The following RNF24 variants were observed in gnomAD, a reference collection of about 807,000 sequenced individuals.
The protein encoded by RNF24 is ring finger protein 24.
RNF24 carries 14 observed loss-of-function variants against 20.0 expected under a neutral mutation model. That is an observed-to-expected ratio of 0.70 (90% CI 0.46 to 1.10). The LOEUF is 1.10. RNF24 is among the 50% of genes least tolerant of loss of function. RNF24 has a pLI of 0.00. For synonymous variants in RNF24, 45 were observed against 61.1 expected, an observed-to-expected ratio of 0.74 and a Z score of 1.23; for missense variants, 124 against 177.6, an observed-to-expected ratio of 0.70 and a Z score of 1.71.
At chr20:3,980,060 T>TA (rs896544924) in intron 1 of RNF24, among the ~76,000 whole-genome samples, 5 of 152,122 alleles carry the variant, frequency 3.3e-5, no homozygotes, top group African/African-American at 9.7e-5. Context: ...ATGAGACAGA[T>TA]AAAAAAATTC....
At chr20:3,993,533 C>A (rs1980625825) in intron 1 of RNF24, among the ~76,000 whole-genome samples, 1 of 152,142 alleles carries the variant, frequency 6.6e-6, no homozygotes. Flanking sequence ...GTGATCTGCC[C>A]ACTTCAGCCT....
At chr20:4,014,197 T>C (rs2122182969) in intron 1 of RNF24, among the ~76,000 whole-genome samples, 1 of 152,160 alleles carries the variant, frequency 6.6e-6, no homozygotes, top group African/African-American at 2.4e-5. Flanking sequence ...ACAGGAAAAT[T>C]CACATCAAAG....
intron 1 of RNF24, among the ~76,000 whole-genome samples, chr20:3,990,224 T>G (rs973383685): frequency 6.6e-5 from 10 of 152,166 alleles, no homozygotes; most frequent in Non-Finnish European, 1.2e-4. Context: ...GGGAAGGCCT[T>G]TCTAAGTAAA....
At chr20:3,972,492 A>C (rs1978435010) in intron 1 of RNF24, among the ~76,000 whole-genome samples, 1 of 152,242 alleles carries the variant, frequency 6.6e-6, no homozygotes. Context: ...TTATAACAGA[A>C]GGGTAGCAAG....
At chr20:3,975,308 A>G (rs998761020) in intron 1 of RNF24, among the ~76,000 whole-genome samples, 2 of 152,228 alleles carry the variant, frequency 1.3e-5, no homozygotes, top group Non-Finnish European at 2.9e-5. Flanking sequence ...TACAGTTACA[A>G]AAAACCTAAG....
chr20:3,972,973 C>A (rs906595526), intron 1 of RNF24, among the ~76,000 whole-genome samples: 2 of 151,550 alleles, frequency 1.3e-5, no homozygotes, highest in South Asian at 4.2e-4. Context: ...GAGGCCGAGG[C>A]GGGTGGATCA....
chr20:3,932,755 T>C lies in RNF24; in HGVS notation c.*1308A>G. Reference sequence around the variant, plus strand: ...GATGGAGGGAGGCGGAGAGCAGGGCTGTGGAAAAGAATTTTCCATCTGACC... The same window carrying C: ...GATGGAGGGAGGCGGAGAGCAGGGCCGTGGAAAAGAATTTTCCATCTGACC... On this transcript the variant is annotated 3_prime_UTR_variant, in exon 6 of 6. Coordinates refer to ENST00000358395, the MANE Select transcript of RNF24 (RefSeq NM_001134337.3). 2.5e-6 allele frequency: 1 copy of C among 397,058 alleles called. No homozygotes were observed. Among genetic ancestry groups the C allele is most frequent in the Non-Finnish European group, 4.4e-6 (1 of 225,604 alleles). 24.6% of individuals were successfully genotyped at this position (397,058 alleles called of 1,614,324 possible).
rs2090826251 is a variant in RNF24 at position 3,931,756 on chromosome 20, C to T, written c.*2307G>A. The stretch of plus-strand genomic sequence containing the variant: ...GCTGAGAAGGTTGTTAGTGGTCCCT[C>T]ATCTGGGCAAAGCAGACCCAAGGTG... On this transcript the variant is annotated 3_prime_UTR_variant, in exon 6 of 6. Coordinates refer to ENST00000358395, the MANE Select transcript of RNF24 (RefSeq NM_001134337.3). The T allele has an allele frequency of 6.6e-6, 1 of 152,242 alleles. No homozygotes were observed. Among genetic ancestry groups the T allele is most frequent in the African/African-American group, 2.4e-5 (1 of 41,454 alleles). The allele number at this position is 152,242 out of a possible 1,614,324, so 9.4% of individuals were successfully genotyped here.
chr20:3,948,729 C>A (rs1423182763), intron 2 of RNF24, among the ~76,000 whole-genome samples: 1 of 152,144 alleles, frequency 6.6e-6, no homozygotes, highest in African/African-American at 2.4e-5. Context: ...AATATCCATG[C>A]CCCAGAGGTA....
At chr20:3,937,868 A>G (rs1321999552) in intron 4 of RNF24, among the ~76,000 whole-genome samples, 1 of 152,186 alleles carries the variant, frequency 6.6e-6, no homozygotes, top group Non-Finnish European at 1.5e-5. Context: ...ATTGATGGCC[A>G]CCTGGGTTGT....
chr20:3,981,126 C>G (rs6107384), intron 1 of RNF24, among the ~76,000 whole-genome samples: 1,546 of 151,942 alleles, frequency 0.01, 17 homozygotes, highest in African/African-American at 0.035. Context: ...TGTGCTTGGG[C>G]TGTTATTTTT....
At chr20:3,938,429 A>G (rs1192716690) in intron 4 of RNF24, among the ~76,000 whole-genome samples, 3 of 152,240 alleles carry the variant, frequency 2.0e-5, no homozygotes, top group African/African-American at 4.8e-5. Context: ...CACAAAAGAC[A>G]CACGCAGCCT....
chr20:4,008,488 A>G (rs1372715861), intron 1 of RNF24, among the ~76,000 whole-genome samples: 5 of 77,018 alleles, frequency 6.5e-5, no homozygotes, highest in East Asian at 5.3e-4. Flanking sequence ...ATATAATATA[A>G]TATAATATAT....
chr20:3,934,043 A>G lies in RNF24; in HGVS notation c.*20T>C. ...CCACACAGACGTCGTGTCCAGCAAC[A>G]GTCTGATCCTTGCGGTAAGCTATAC... On this transcript the variant is annotated 3_prime_UTR_variant, in exon 6 of 6. Transcript: ENST00000358395. This position sits in a 1 kb window ranked among gnomAD's most constrained non-coding sequence, Gnocchi z 4.0. 4.2e-6 allele frequency: 6 copies of G among 1,442,108 alleles called. No homozygotes were observed. The highest frequency in any genetic ancestry group is 1.6e-5 in the South Asian group (1 of 63,812). The allele number at this position is 1,442,108 out of a possible 1,614,324, so 89.3% of individuals were successfully genotyped here. A position where few individuals can be genotyped will look rare whatever the true frequency, so the allele number is the denominator to read the frequency against.
intron 2 of RNF24, among the ~76,000 whole-genome samples, chr20:3,960,000 A>G (rs74917992): frequency 1.5e-3 from 223 of 152,338 alleles, no homozygotes; most frequent in Admixed American, 2.5e-3. Flanking sequence ...GCAAGGTAAG[A>G]TGCCCTTCTT....
At chr20:3,964,800 G>C (rs894001120) in intron 1 of RNF24, among the ~76,000 whole-genome samples, 4 of 152,108 alleles carry the variant, frequency 2.6e-5, no homozygotes. Flanking sequence ...TTATAGGCAT[G>C]AGCCACTGTG....
intron 1 of RNF24, among the ~76,000 whole-genome samples, chr20:3,974,143 A>T (rs940399413): frequency 1.3e-5 from 2 of 152,138 alleles, no homozygotes; most frequent in African/African-American, 2.4e-5. Context: ...TAACTGATTT[A>T]AAAAAAACAC....
intron 4 of RNF24, among the ~76,000 whole-genome samples, chr20:3,937,896 T>TG (rs1232270761): frequency 2.0e-5 from 3 of 152,240 alleles, no homozygotes; most frequent in Admixed American, 6.5e-5. Context: ...TTTTGGCTAT[T>TG]GTGGACAATA....
rs182118437 is a variant in RNF24, at chr20:3,944,120, G to A, written c.228+1057C>T. ...AGCTACTCGACAGGCTGAAGCAGGA[G>A]AATCGCTTGAGCCCAGGAGGCGGAG... On this transcript the variant is annotated intron_variant, in intron 4 of 5. Transcript: ENST00000358395. Among the ~76,000 whole-genome samples the A allele has an allele frequency of 2.0e-5, 3 of 149,736 alleles. No individual in the cohort carries two copies. The East Asian group carries it at 5.9e-4, about 30-fold the overall frequency.
Sources: gnomAD v4.1 joint callset for allele counts (sites outside exome capture counted in the v4.1 genomes callset) on GRCh38, gnomAD v4.1.1 for gene constraint, Gnocchi (gnomAD v3.1) non-coding constraint, MANE v1.5 for transcripts, NCBI Gene and HGNC (gene_info 2026-07-23, HGNC 2026-07-21) for gene names.